CLMP: variants seen among roughly 807,000 people sequenced by gnomAD.
CLMP encodes CXADR like cell adhesion molecule, also known as CXADR-like membrane protein.
In CLMP, 27 loss-of-function variants were observed where a neutral mutation model predicts 45.2. The ratio of observed to expected loss-of-function variants is 0.60; its 90% confidence interval spans 0.44 to 0.82. The LOEUF (loss-of-function observed/expected upper bound fraction) is 0.82, where lower values mean the gene tolerates loss of function less well. Ranked by LOEUF, CLMP falls within the 40% of genes least tolerant of loss-of-function variation. The probability of loss-of-function intolerance (pLI) is 0.00; values close to 1 mark genes in which losing one functional copy is unlikely to be tolerated. For synonymous variants in CLMP, 167 were observed against 171.4 expected, an observed-to-expected ratio of 0.97 and a Z score of 0.20; for missense variants, 403 against 448.4, an observed-to-expected ratio of 0.90 and a Z score of 0.91.
chr11:123,098,666 G>A lies in CLMP; in HGVS notation c.29-714C>T, dbSNP rs547798302. On this transcript the variant is annotated intron_variant, in intron 1 of 6. Transcript: ENST00000448775. ...TCCTCCCACCTCAGGCTCCAGAGAA[G>A]CTAAGACTATAGGCACATGCCACCA... Among the ~76,000 whole-genome samples, 24 of 149,710 alleles carry A rather than the reference G, an allele frequency of 1.6e-4. 1 individual carries two copies. The highest frequency in any genetic ancestry group is 8.7e-4 in the Admixed American group (13 of 14,914).
chr11:123,106,352 C>G (rs1188380084), intron 1 of CLMP, among the ~76,000 whole-genome samples: 1 of 151,652 alleles, frequency 6.6e-6, no homozygotes, highest in African/African-American at 2.4e-5. Flanking sequence ...GTTTTCCCTT[C>G]ACCCCAGCTA....
chr11:123,186,139 T>C (rs558241380), intron 1 of CLMP, among the ~76,000 whole-genome samples: 1 of 152,346 alleles, frequency 6.6e-6, no homozygotes, highest in South Asian at 2.1e-4. Flanking sequence ...CAGCCTAGGA[T>C]GGAATACCTT....
rs1163460281 is a variant in CLMP at position 123,070,087 on chromosome 11, A to G, written c.*3387T>C. 1 of 152,228 alleles carries G rather than the reference A, an allele frequency of 6.6e-6. No individual in the cohort carries two copies. Among genetic ancestry groups the G allele is most frequent in the East Asian group, 1.9e-4 (1 of 5,208 alleles). 9.4% of individuals were successfully genotyped at this position (152,228 alleles called of 1,614,324 possible). A position where few individuals can be genotyped will look rare whatever the true frequency, so the allele number is the denominator to read the frequency against. ...ATTGTTTTTATACACTGTAACAACA[A>G]AGGTACCAACTTCCTTATTTCACAA... is the stretch of plus-strand genomic sequence containing the variant. On this transcript the variant is annotated 3_prime_UTR_variant, in exon 7 of 7. Coordinates refer to ENST00000448775, the MANE Select transcript of CLMP (RefSeq NM_024769.5).
Position 123,084,648 on chromosome 11 carries a change from G to C in CLMP, c.252C>G (p.Ala84=). 6.2e-7 allele frequency: 1 copy of C among 1,614,240 alleles called. No individual in the cohort carries two copies. The highest frequency in any genetic ancestry group is 8.5e-7 in the Non-Finnish European group (1 of 1,180,052). ...CTCCTGCCAGGAAATTGGAAGCAAA[G>C]GCCACTCGGCCCTTCTGTTCCTCAG... ...NLTEEQKGRV[A]FASNFLAGDA... Residue 84 remains alanine, a synonymous_variant, in exon 3 of 7, where the codon GCC becomes GCG. Transcript: ENST00000448775.
intron 4 of CLMP, 143 bp downstream of exon 4, chr11:123,083,537 G>C (rs1865828230): frequency 1.2e-6 from 1 of 806,546 alleles, no homozygotes; most frequent in Admixed American, 2.4e-5. Flanking sequence ...TTCTGTTCTA[G>C]TTAATGGATT....
At chr11:123,153,852 T>C (rs1194734602) in intron 1 of CLMP, among the ~76,000 whole-genome samples, 1 of 150,374 alleles carries the variant, frequency 6.7e-6, no homozygotes, top group African/African-American at 2.4e-5. Flanking sequence ...CTCACTTTTT[T>C]TTTTTTTTTT....
intron 5 of CLMP, among the ~76,000 whole-genome samples, chr11:123,078,945 G>A (rs1865771171): frequency 6.6e-6 from 1 of 151,984 alleles, no homozygotes; most frequent in Admixed American, 6.6e-5. Context: ...TGCCCGGCAA[G>A]TTTTATATTT....
At chr11:123,168,899 C>T (rs1200377506) in intron 1 of CLMP, among the ~76,000 whole-genome samples, 2 of 152,142 alleles carry the variant, frequency 1.3e-5, no homozygotes, top group African/African-American at 4.8e-5. Context: ...CATCTACTCC[C>T]GGCTTTGCAC....
chr11:123,164,899 T>C (rs909009277), intron 1 of CLMP, among the ~76,000 whole-genome samples: 4 of 152,160 alleles, frequency 2.6e-5, no homozygotes, highest in Admixed American at 1.3e-4. Context: ...CTTAGAATCA[T>C]TGGAATTGAA....
chr11:123,083,121 C>A lies in CLMP; in HGVS notation c.643G>T (p.Gly215Trp), dbSNP rs769918003. ...ACTCGCACCACACAGCTTTCCTTCC[C>A]AGCTTCGTTGCCTGCTGTGCACTGG... ...LYQCTAGNEAGKESCVVRVTV... is the reference protein window; with the variant it reads ...LYQCTAGNEAWKESCVVRVTV... Residue 215 changes from glycine (G) to tryptophan (W), a missense_variant, in exon 5 of 7, where the codon GGG becomes TGG. Physicochemically the swap from Gly to Trp is radical, Grantham distance 184. Coordinates refer to ENST00000448775, the MANE Select transcript of CLMP (RefSeq NM_024769.5). The A allele has an allele frequency of 6.2e-7, 1 of 1,614,188 alleles. No individual in the cohort carries two copies. Among genetic ancestry groups the A allele is most frequent in the South Asian group, 1.1e-5 (1 of 91,084 alleles).
chr11:123,104,128 CTT>C (rs1241735527), intron 1 of CLMP, among the ~76,000 whole-genome samples: 16 of 72,388 alleles, frequency 2.2e-4, no homozygotes, highest in South Asian at 5.1e-4. Flanking sequence ...CCATGCCTGG[CTT>C]TTTTTTTTTT....
intron 1 of CLMP, among the ~76,000 whole-genome samples, chr11:123,186,361 G>T (rs905839752): frequency 6.6e-6 from 1 of 152,126 alleles, no homozygotes; most frequent in African/African-American, 2.4e-5. Flanking sequence ...GTTGGCACAG[G>T]CACTCGGGGG....
chr11:123,082,674 G>A (rs1374562703), intron 5 of CLMP, among the ~76,000 whole-genome samples: 1 of 148,600 alleles, frequency 6.7e-6, no homozygotes, highest in African/African-American at 2.5e-5. Context: ...GCAGTGGCGT[G>A]ATCTTGGCTC....
chr11:123,093,008 A>G (rs1865951623), intron 2 of CLMP, among the ~76,000 whole-genome samples: 1 of 150,928 alleles, frequency 6.6e-6, no homozygotes, highest in African/African-American at 2.4e-5. Flanking sequence ...CCCAGGTTCA[A>G]GCGATTCTCC....
chr11:123,084,831 G>A, intron 2 of CLMP, 118 bp from the exon 3 acceptor site: 4 of 739,904 alleles, frequency 5.4e-6, no homozygotes, highest in Non-Finnish European at 9.0e-6. Context: ...GCCTGGGGCT[G>A]AGAGTCCAAG....
chr11:123,110,970 GTCTTT>G (rs1208461236), intron 1 of CLMP, among the ~76,000 whole-genome samples: 1 of 152,164 alleles, frequency 6.6e-6, no homozygotes, highest in Non-Finnish European at 1.5e-5. Context: ...AATATTTAAT[GTCTTT>G]TCTAACTATA....
chr11:123,169,030 C>T (rs968585428), intron 1 of CLMP, among the ~76,000 whole-genome samples: 2 of 152,158 alleles, frequency 1.3e-5, no homozygotes, highest in Non-Finnish European at 1.5e-5. Context: ...AGGGACAGAA[C>T]AAAGCTCTGG....
At chr11:123,142,923 G>C (rs1264730200) in intron 1 of CLMP, among the ~76,000 whole-genome samples, 3 of 152,134 alleles carry the variant, frequency 2.0e-5, no homozygotes, top group African/African-American at 7.2e-5. Flanking sequence ...ACCGCGCCCG[G>C]CCGATGAGGT....
At position 123,073,331 on chromosome 11, in the gene CLMP, A is replaced by C; in HGVS notation, c.*143T>G. The C allele has an allele frequency of 1.1e-6, 1 of 921,782 alleles. No individual in the cohort carries two copies. The highest frequency in any genetic ancestry group is 1.6e-6 in the Non-Finnish European group (1 of 607,918). 57.1% of individuals were successfully genotyped at this position (921,782 alleles called of 1,614,324 possible). On this transcript the variant is annotated 3_prime_UTR_variant, in exon 7 of 7. Coordinates refer to ENST00000448775, the MANE Select transcript of CLMP (RefSeq NM_024769.5). ...TTGGTATTGTATAAGGAAAATGCTC[A>C]TCTGAATCTGTTCCGTGCAATGCTC...
Sources: gnomAD v4.1 joint callset for allele counts (sites outside exome capture counted in the v4.1 genomes callset) on GRCh38, gnomAD v4.1.1 for gene constraint, MANE v1.5 for transcripts, NCBI Gene and HGNC (gene_info 2026-07-23, HGNC 2026-07-21) for gene names.